MICU1: variants seen among roughly 807,000 people sequenced by gnomAD.
MICU1 encodes the protein calcium uptake protein 1, mitochondrial.
Under a neutral mutation model 56.8 loss-of-function variants are expected in MICU1, and 45 were observed. That is an observed-to-expected ratio of 0.79 (90% confidence interval 0.62 to 1.02). MICU1 has a LOEUF of 1.02. MICU1 is among the 50% of genes least tolerant of loss of function. The pLI, the probability that MICU1 is intolerant of heterozygous loss-of-function variation, is 0.00. For synonymous variants in MICU1, 186 were observed against 195.1 expected, an observed-to-expected ratio of 0.95 and a Z score of 0.39; for missense variants, 504 against 587.1, an observed-to-expected ratio of 0.86 and a Z score of 1.46.
chr10:72,455,272 C>T (rs1865422872), intron 8 of MICU1, among the ~76,000 whole-genome samples: 1 of 149,646 alleles, frequency 6.7e-6, no homozygotes, highest in Admixed American at 6.7e-5. Flanking sequence ...AAAGCTTGAA[C>T]CCGGGAGGTG....
At chr10:72,503,573 A>G (rs1867145332) in intron 6 of MICU1, among the ~76,000 whole-genome samples, 1 of 152,170 alleles carries the variant, frequency 6.6e-6, no homozygotes, top group Admixed American at 6.5e-5. Context: ...AGAGTGAGAA[A>G]TCCTAAAGGC....
At chr10:72,508,839 A>C (rs1867347160) in intron 5 of MICU1, among the ~76,000 whole-genome samples, 1 of 152,222 alleles carries the variant, frequency 6.6e-6, no homozygotes, top group South Asian at 2.1e-4. Flanking sequence ...TCTGAAATAT[A>C]ATGCCAAATC....
intron 8 of MICU1, among the ~76,000 whole-genome samples, chr10:72,470,042 C>T (rs1865903610): frequency 6.6e-6 from 1 of 152,184 alleles, no homozygotes; most frequent in Non-Finnish European, 1.5e-5. Flanking sequence ...GTTGGGACAT[C>T]AACGTAGGAA....
chr10:72,590,446 G>A (rs1157329861), intron 1 of MICU1, among the ~76,000 whole-genome samples: 1 of 152,166 alleles, frequency 6.6e-6, no homozygotes, highest in African/African-American at 2.4e-5. Context: ...GACAGTTCTA[G>A]AATAATAGGT....
rs1348414457 is a variant in MICU1, at chr10:72,433,134, T to C, written c.934-9763A>G. ...TTGTATTTTTTAGTAGAGATGAGGG[T>C]TCACCATGTTGGCCAGGCTGGTCTT... On this transcript the variant is annotated intron_variant, in intron 8 of 11. Transcript: ENST00000361114. 2.0e-5 allele frequency among the ~76,000 whole-genome samples: 3 copies of C among 150,272 alleles called. No individual in the cohort carries two copies. In the Admixed American group the frequency reaches 2.0e-4, roughly 10 times the overall value.
At chr10:72,429,907 A>G (rs1372028523) in intron 8 of MICU1, among the ~76,000 whole-genome samples, 3 of 152,214 alleles carry the variant, frequency 2.0e-5, no homozygotes, top group Admixed American at 6.5e-5. Flanking sequence ...GAAAAGTGAA[A>G]TAACTTGCCC....
chr10:72,603,832 CA>C (rs1325653519), intron 1 of MICU1, among the ~76,000 whole-genome samples: 3 of 151,834 alleles, frequency 2.0e-5, no homozygotes, highest in African/African-American at 7.3e-5. Flanking sequence ...AACAAACAAA[CA>C]AAAAAACACC....
intron 1 of MICU1, among the ~76,000 whole-genome samples, chr10:72,601,888 C>T (rs1383675493): frequency 1.3e-5 from 2 of 151,342 alleles, no homozygotes; most frequent in Non-Finnish European, 2.9e-5. Context: ...CAACCTCCGC[C>T]TCCCAGGTTC....
chr10:72,491,968 A>G lies in MICU1; in HGVS notation c.653-14712T>C, dbSNP rs148304867. The stretch of plus-strand genomic sequence containing the variant: ...TTAAAAAACCATTAGAGGGCTTAAT[A>G]AACTATGCTTATCCCCCTCCAAACA... On this transcript the variant is annotated intron_variant, in intron 6 of 11. Transcript: ENST00000361114. 3.0e-3 allele frequency among the ~76,000 whole-genome samples: 460 copies of G among 152,326 alleles called. 4 individuals are homozygous for G. Among genetic ancestry groups the G allele is most frequent in the Middle Eastern group, 0.01 (3 of 294 alleles).
chr10:72,500,248 A>G (rs1456916487), intron 6 of MICU1, among the ~76,000 whole-genome samples: 3 of 59,706 alleles, frequency 5.0e-5, no homozygotes, highest in Admixed American at 1.8e-4. Context: ...ACTATTATAT[A>G]CATACATACA....
At chr10:72,604,257 G>A (rs1265005452) in intron 1 of MICU1, among the ~76,000 whole-genome samples, 1 of 149,866 alleles carries the variant, frequency 6.7e-6, no homozygotes, top group African/African-American at 2.5e-5. Flanking sequence ...TATTTCACAG[G>A]ATACTTTCCT....
intron 10 of MICU1, among the ~76,000 whole-genome samples, chr10:72,378,995 A>C (rs541042212): frequency 5.3e-5 from 8 of 152,312 alleles, no homozygotes; most frequent in Non-Finnish European, 1.2e-4. Flanking sequence ...AGACTGAAGT[A>C]TAAGATATTG....
At chr10:72,486,076 C>T (rs1032164595) in intron 6 of MICU1, among the ~76,000 whole-genome samples, 8 of 151,946 alleles carry the variant, frequency 5.3e-5, no homozygotes, top group Middle Eastern at 3.4e-3. Flanking sequence ...AATACATCTC[C>T]CCAAATTTAA....
chr10:72,580,689 T>C (rs538847316), intron 1 of MICU1, among the ~76,000 whole-genome samples: 1 of 152,156 alleles, frequency 6.6e-6, no homozygotes, highest in African/African-American at 2.4e-5. Flanking sequence ...GTTGGCCAGG[T>C]TGGTCTTGAA....
chr10:72,383,785 C>T (rs1862798735), intron 10 of MICU1, among the ~76,000 whole-genome samples: 1 of 151,886 alleles, frequency 6.6e-6, no homozygotes, highest in African/African-American at 2.4e-5. Flanking sequence ...AAATAGTCAC[C>T]TTTACAAGTG....
At chr10:72,552,084 A>G (rs1324948145) in intron 3 of MICU1, among the ~76,000 whole-genome samples, 1 of 152,246 alleles carries the variant, frequency 6.6e-6, no homozygotes, top group Non-Finnish European at 1.5e-5. Context: ...GATGGCATAG[A>G]AAAATAAAAT....
At chr10:72,396,071 C>T (rs539303693) in intron 10 of MICU1, among the ~76,000 whole-genome samples, 16 of 152,276 alleles carry the variant, frequency 1.1e-4, no homozygotes, top group Admixed American at 2.6e-4. Context: ...TCTGGGAGGA[C>T]GCTTCCAGAG....
chr10:72,428,754 A>G (rs1026799579), intron 8 of MICU1, among the ~76,000 whole-genome samples: 6 of 152,242 alleles, frequency 3.9e-5, no homozygotes, highest in African/African-American at 1.4e-4. Context: ...GAAGATAATA[A>G]GATTAATGCA....
chr10:72,441,624 T>C (rs1397492869), intron 8 of MICU1, among the ~76,000 whole-genome samples: 1 of 142,476 alleles, frequency 7.0e-6, no homozygotes, highest in East Asian at 2.0e-4. Context: ...TCTTTTTTTT[T>C]TTTTTTTTTT....
Sources: gnomAD v4.1 joint callset for allele counts (sites outside exome capture counted in the v4.1 genomes callset) on GRCh38, gnomAD v4.1.1 for gene constraint, MANE v1.5 for transcripts, NCBI Gene and HGNC (gene_info 2026-07-23, HGNC 2026-07-21) for gene names.